Variants in NSD1 observed in about 807,000 individuals in gnomAD.
NSD1 encodes histone-lysine N-methyltransferase, H3 lysine-36 specific.
A neutral mutation model predicts 242.7 loss-of-function variants in NSD1; 26 were observed. That is an observed-to-expected ratio of 0.11 (90% CI 0.08 to 0.15). NSD1 has a LOEUF of 0.15. Among genes scored for constraint, NSD1 ranks in the 10% least tolerant of loss-of-function variants. The pLI is 1.00. For missense variants in NSD1, 2,495 were observed against 3,272.8 expected (o/e 0.76, Z 5.80); for synonymous variants, 1,106 against 1,178.1 (o/e 0.94, Z 1.25).
chr5:177,215,547 A>AT (rs1024562954), intron 5 of NSD1, among the ~76,000 whole-genome samples: 24 of 148,336 alleles, frequency 1.6e-4, no homozygotes, highest in Middle Eastern at 3.4e-3. Context: ...TTTTATTTTT[A>AT]TTTTTTTTTG....
chr5:177,283,948 T>G lies in NSD1; in HGVS notation c.6151+20T>G. 6.2e-7 allele frequency: 1 copy of G among 1,614,118 alleles called. No homozygotes were observed. The highest frequency in any genetic ancestry group is 8.5e-7 in the Non-Finnish European group (1 of 1,179,992). On this transcript the variant is annotated intron_variant, in intron 20 of 22. Transcript: ENST00000439151. ...AAGCAGGTAAGAATCATTTCAGGAT[T>G]CTGCAGCTGACATCTGAATTTCAGG...
In NSD1 at chr5:177,251,866, T is replaced by G. The variant is rs1378787432; in HGVS notation, c.4765+13T>G. ...GAATGTCGCACAGGTAAAGTAGATA[T>G]CGAACGGTCTTCCTCCAAAGAAAGT... On this transcript the variant is annotated intron_variant, in intron 12 of 22. Coordinates refer to ENST00000439151, the MANE Select transcript of NSD1 (RefSeq NM_022455.5). 1 of 1,614,116 alleles carries G rather than the reference T, an allele frequency of 6.2e-7. No individual in the cohort carries two copies. The highest frequency in any genetic ancestry group is 1.3e-5 in the African/African-American group (1 of 75,048).
chr5:177,295,550 A>C lies in NSD1; in HGVS notation c.*91A>C, dbSNP rs1457494637. The C allele has an allele frequency of 6.9e-6, 9 of 1,307,716 alleles. No homozygotes were observed. The highest frequency in any genetic ancestry group is 8.6e-6 in the Non-Finnish European group (8 of 925,122). 81.0% of individuals were successfully genotyped at this position (1,307,716 alleles called of 1,614,324 possible). A position where few individuals can be genotyped will look rare whatever the true frequency, so the allele number is the denominator to read the frequency against. On this transcript the variant is annotated 3_prime_UTR_variant, in exon 23 of 23. Coordinates refer to ENST00000439151, the MANE Select transcript of NSD1 (RefSeq NM_022455.5). This position sits in a 1 kb window ranked among gnomAD's most constrained non-coding sequence, Gnocchi z 4.3. ...TTCTTTCTTTCCCCCTTAAAAAAAA[A>C]CACATCTGCCCCGAACACTTTCCCA...
rs115723131 is a variant in NSD1 at position 177,240,117 on chromosome 5, G to C, written c.4302+252G>C. Among the ~76,000 whole-genome samples the C allele has an allele frequency of 7.7e-3, 1,179 of 152,240 alleles. 19 individuals carry two copies. Among genetic ancestry groups the C allele is most frequent in the African/African-American group, 0.027 (1,125 of 41,540 alleles). ...AATTTTTAAATGCTTTGAAGATTAAGTTTGTGTTTGTTATAATTTCTTTTC... is the reference window on the plus strand; with the variant it reads ...AATTTTTAAATGCTTTGAAGATTAACTTTGTGTTTGTTATAATTTCTTTTC... On this transcript the variant is annotated intron_variant, in intron 8 of 22. Coordinates refer to ENST00000439151, the MANE Select transcript of NSD1 (RefSeq NM_022455.5).
intron 12 of NSD1, among the ~76,000 whole-genome samples, chr5:177,256,275 CTTTTTTTTTT>C (rs147226070): frequency 1.3e-5 from 1 of 76,854 alleles, no homozygotes; most frequent in African/African-American, 5.3e-5. Context: ...TGCCCCCACA[CTTTTTTTTTT>C]TTTTTTTTTT....
At position 177,273,743 on chromosome 5, in the gene NSD1, C is replaced by A; in HGVS notation, c.5581C>A (p.Arg1861=). 6.2e-7 allele frequency: 1 copy of A among 1,613,448 alleles called. No homozygotes were observed. Among genetic ancestry groups the A allele is most frequent in the Non-Finnish European group, 8.5e-7 (1 of 1,179,692 alleles). Residue 1861 remains arginine (R), a synonymous_variant, in exon 17 of 23, where the codon CGA becomes AGA. Transcript: ENST00000439151. ...AGAGCTAAGACAGCTGCAGGAAGAC[C>A]GAAAGAATGACAAGAAGCCACCACC... The part of the protein sequence containing the change: ...QKELRQLQED[R]KNDKKPPPYK...
chr5:177,264,661 C>A, intron 14 of NSD1: 1 of 466,896 alleles, frequency 2.1e-6, no homozygotes, highest in Non-Finnish European at 3.9e-6. Flanking sequence ...CTGGCCCCAA[C>A]AAAAACAAAT....
intron 5 of NSD1, among the ~76,000 whole-genome samples, chr5:177,232,514 C>T (rs1234478491): frequency 2.0e-5 from 3 of 152,290 alleles, no homozygotes; most frequent in South Asian, 2.1e-4. Flanking sequence ...GTTTATTCAA[C>T]GTCCCCCAGG....
chr5:177,227,105 GAT>G (rs1360119999), intron 5 of NSD1, among the ~76,000 whole-genome samples: 6 of 152,128 alleles, frequency 3.9e-5, no homozygotes, highest in Non-Finnish European at 7.4e-5. Flanking sequence ...TGGAGTATGA[GAT>G]ATTGCAAAAT....
rs1015100754 is a variant in NSD1, at chr5:177,296,125, G to C, written c.*666G>C. ...TTGGCTGCGGTGTGCATGGGTGCGT[G>C]TGCATGCGCGCACACTCACAGAGGT... On this transcript the variant is annotated 3_prime_UTR_variant, in exon 23 of 23. Coordinates refer to ENST00000439151, the MANE Select transcript of NSD1 (RefSeq NM_022455.5). 1.2e-5 allele frequency: 3 copies of C among 246,648 alleles called. No homozygotes were observed. Among genetic ancestry groups the C allele is most frequent in the African/African-American group, 6.6e-5 (3 of 45,468 alleles). 15.3% of individuals were successfully genotyped at this position (246,648 alleles called of 1,614,324 possible).
chr5:177,275,829 A>G (rs541832779), intron 17 of NSD1, among the ~76,000 whole-genome samples: 1 of 152,296 alleles, frequency 6.6e-6, no homozygotes, highest in East Asian at 1.9e-4. Context: ...TTGTTACAAG[A>G]TAGAGGAAAA....
In NSD1 at chr5:177,195,496, C is replaced by T. The variant is rs1762038084; in HGVS notation, c.1063+3477C>T. 2.0e-5 allele frequency among the ~76,000 whole-genome samples: 3 copies of T among 152,086 alleles called. No individual in the cohort carries two copies. The South Asian group carries it at 6.2e-4, about 31-fold the overall frequency. On this transcript the variant is annotated intron_variant, in intron 3 of 22. Coordinates refer to ENST00000439151, the MANE Select transcript of NSD1 (RefSeq NM_022455.5). ...CCTCGTCTCTCTTTTGATTGAGGGT[C>T]TCGTTCTATTGCCCAGGCTAGAATG...
rs370988792 is a variant in NSD1, at chr5:177,295,198, C to T, written c.7830C>T (p.Leu2610=). 2 of 1,614,102 alleles carry T rather than the reference C, an allele frequency of 1.2e-6. No individual in the cohort carries two copies. The highest frequency in any genetic ancestry group is 2.7e-5 in the African/African-American group (2 of 74,928). ...CTCTCGGGAAGGCCCCAGCCTCCCT[C>T]CCCACTGAAGAAAAGAAGTTGGTAA... ...FRSLGKAPAS[L]PTEEKKLVTT... is the part of the protein sequence containing the mutation. The change falls in exon 23 of 23, where the codon CTC becomes CTT. Residue 2610 remains leucine (L), a synonymous_variant. Transcript: ENST00000439151. This position sits in a 1 kb window ranked among gnomAD's most constrained non-coding sequence, Gnocchi z 4.3.
chr5:177,243,332 GTGCCAC>G, intron 8 of NSD1, among the ~76,000 whole-genome samples: 1 of 152,238 alleles, frequency 6.6e-6, no homozygotes, highest in African/African-American at 2.4e-5. Context: ...TTACAGGCAT[GTGCCAC>G]TGCACCTAGC....
Position 177,300,057 on chromosome 5 carries a change from G to GCCCCA in NSD1, c.*4602_*4603insACCCC, listed in dbSNP as rs1354650646. 995 of 134,832 alleles carry GCCCCA rather than the reference G, an allele frequency of 7.4e-3. 12 individuals are homozygous for GCCCCA. The highest frequency in any genetic ancestry group is 0.016 in the South Asian group (39 of 2,490). The allele number at this position is 134,832 out of a possible 1,614,324, so 8.4% of individuals were successfully genotyped here. A position where few individuals can be genotyped will look rare whatever the true frequency, so the allele number is the denominator to read the frequency against. On this transcript the variant is annotated 3_prime_UTR_variant, in exon 23 of 23. Transcript: ENST00000439151. ...AGGTCCATCATTGCTTTTTTGCCGC[G>GCCCCA]CCCCCCCCCCCCCGCCCCCATAGAT...
rs555645332 is a variant in NSD1 at position 177,201,941 on chromosome 5, C to T, written c.1064-2179C>T. 9.9e-5 allele frequency among the ~76,000 whole-genome samples: 15 copies of T among 151,620 alleles called. No individual in the cohort carries two copies. In the South Asian group the frequency reaches 2.9e-3, roughly 29 times the overall value. ...CAGCACTTTGGGAGGCCGAGGCGGG[C>T]GGATCACCTGAGGTCGGCAGTTTGA... On this transcript the variant is annotated intron_variant, in intron 3 of 22. Transcript: ENST00000439151.
At chr5:177,172,574 C>A (rs899494295) in intron 2 of NSD1, among the ~76,000 whole-genome samples, 5 of 152,158 alleles carry the variant, frequency 3.3e-5, no homozygotes, top group Non-Finnish European at 5.9e-5. Context: ...AACTAGCCTG[C>A]AGTCCAAATA....
chr5:177,151,418 C>T (rs1271385522), intron 2 of NSD1, among the ~76,000 whole-genome samples: 4 of 151,832 alleles, frequency 2.6e-5, no homozygotes, highest in African/African-American at 7.2e-5. Context: ...GACGGAGTTT[C>T]GCTCTTGTTG....
At chr5:177,143,371 G>T (rs550617007) in intron 2 of NSD1, among the ~76,000 whole-genome samples, 1 of 151,700 alleles carries the variant, frequency 6.6e-6, no homozygotes, top group Non-Finnish European at 1.5e-5. Flanking sequence ...GCACAGGTTC[G>T]AGGGCAGTGG....
Sources: allele counts gnomAD v4.1 joint callset (sites outside exome capture counted in the v4.1 genomes callset), GRCh38; gene constraint gnomAD v4.1.1; non-coding constraint Gnocchi (gnomAD v3.1); transcripts MANE v1.5; gene names NCBI Gene and HGNC (gene_info 2026-07-23, HGNC 2026-07-21).